The following GALNT13 variants were observed in gnomAD, a reference collection of about 807,000 sequenced individuals.
GALNT13 encodes the protein polypeptide N-acetylgalactosaminyltransferase 13, also known as UDP-GalNAc:polypeptide N-acetylgalactosaminyltransferase 13.
A neutral mutation model predicts 64.2 loss-of-function variants in GALNT13; 28 were observed. The ratio of observed to expected loss-of-function variants is 0.44; its 90% CI spans 0.32 to 0.60. The LOEUF is 0.60. Among genes scored for constraint, GALNT13 ranks in the 20% least tolerant of loss-of-function variants. The pLI, the probability that GALNT13 is intolerant of heterozygous loss-of-function variation, is 0.05. For synonymous variants in GALNT13, 214 were observed against 224.6 expected (o/e 0.95, Z 0.42); for missense variants, 577 against 669.8 (o/e 0.86, Z 1.53).
the GALNT13 span, among the ~76,000 whole-genome samples, chr2:153,536,862 A>T: frequency 6.6e-6 from 1 of 152,256 alleles, no homozygotes; most frequent in Non-Finnish European, 1.5e-5. Flanking sequence ...AATAAAATAC[A>T]TTAAATTATG....
At chr2:154,285,490 A>T (rs1432666599) in intron 8 of GALNT13, among the ~76,000 whole-genome samples, 2 of 152,042 alleles carry the variant, frequency 1.3e-5, no homozygotes, top group Admixed American at 1.3e-4. Context: ...TTCCCTCATT[A>T]TGTGTTCTTG....
chr2:153,450,728 G>C, the GALNT13 span, among the ~76,000 whole-genome samples: 1 of 152,072 alleles, frequency 6.6e-6, no homozygotes, highest in African/African-American at 2.4e-5. Context: ...TTGTAATATG[G>C]TAGCACACTT....
chr2:153,256,068 A>G, the GALNT13 span, among the ~76,000 whole-genome samples: 1 of 152,112 alleles, frequency 6.6e-6, no homozygotes, highest in Non-Finnish European at 1.5e-5. Context: ...GTGTTTTCCA[A>G]CTTGGTTCCA....
At chr2:153,609,842 A>G in the GALNT13 span, among the ~76,000 whole-genome samples, 1 of 152,152 alleles carries the variant, frequency 6.6e-6, no homozygotes, top group East Asian at 1.9e-4. Flanking sequence ...CTGGAGTCTT[A>G]CACCAACATA....
At chr2:154,137,302 AACACAC>A (rs112665813) in intron 3 of GALNT13, among the ~76,000 whole-genome samples, 6 of 148,986 alleles carry the variant, frequency 4.0e-5, no homozygotes, top group East Asian at 2.0e-4. Context: ...ACACAGGCAA[AACACAC>A]ACACACACAC....
At chr2:153,227,289 A>G in the GALNT13 span, among the ~76,000 whole-genome samples, 1 of 152,220 alleles carries the variant, frequency 6.6e-6, no homozygotes, top group Admixed American at 6.5e-5. Context: ...ATATGAGTGC[A>G]GCATTGGCAA....
intron 8 of GALNT13, 131 bp from the exon 9 acceptor site, chr2:154,301,277 GT>G: frequency 2.8e-6 from 2 of 720,334 alleles, no homozygotes; most frequent in Non-Finnish European, 4.7e-6. Flanking sequence ...AGTAAGTATA[GT>G]GTACCAGTTC....
At chr2:154,240,283 A>C (rs1689412754) in intron 4 of GALNT13, among the ~76,000 whole-genome samples, 1 of 152,202 alleles carries the variant, frequency 6.6e-6, no homozygotes, top group Non-Finnish European at 1.5e-5. Flanking sequence ...GCTTGAAAAG[A>C]AAAATCTGGA....
At chr2:153,275,576 T>C in the GALNT13 span, among the ~76,000 whole-genome samples, 1 of 152,178 alleles carries the variant, frequency 6.6e-6, no homozygotes, top group Admixed American at 6.5e-5. Context: ...TCTTTATAAA[T>C]TATCCAGTCT....
the GALNT13 span, among the ~76,000 whole-genome samples, chr2:153,628,162 A>C: frequency 6.6e-6 from 1 of 152,024 alleles, no homozygotes; most frequent in African/African-American, 2.4e-5. Context: ...TTATTGGTGT[A>C]TAAGAATGCT....
At chr2:153,949,144 C>G (rs1691986170) in intron 3 of GALNT13, among the ~76,000 whole-genome samples, 1 of 152,012 alleles carries the variant, frequency 6.6e-6, no homozygotes, top group South Asian at 2.1e-4. Context: ...ATAGGCTATA[C>G]CATACAGCCT....
At chr2:153,816,388 G>A in the GALNT13 span, among the ~76,000 whole-genome samples, 3 of 152,110 alleles carry the variant, frequency 2.0e-5, no homozygotes, top group East Asian at 1.9e-4. Flanking sequence ...GAAAGTCATG[G>A]TAAGCAATGA....
the GALNT13 span, among the ~76,000 whole-genome samples, chr2:153,251,236 C>A: frequency 6.6e-6 from 1 of 152,010 alleles, no homozygotes; most frequent in South Asian, 2.1e-4. Context: ...ATGGGAATCT[C>A]CTATAATTCT....
the GALNT13 span, among the ~76,000 whole-genome samples, chr2:153,483,021 G>A: frequency 3.9e-5 from 6 of 152,330 alleles, no homozygotes; most frequent in African/African-American, 1.4e-4. Flanking sequence ...AGTCTGGAAA[G>A]TGAGTGAAAC....
intron 9 of GALNT13, among the ~76,000 whole-genome samples, chr2:154,305,320 G>T (rs1162678761): frequency 2.6e-5 from 4 of 151,884 alleles, no homozygotes; most frequent in Non-Finnish European, 1.5e-5. Context: ...AGGAAGGAGG[G>T]GTGGGAGCTA....
the GALNT13 span, among the ~76,000 whole-genome samples, chr2:153,326,774 G>C: frequency 0.01 from 1,523 of 152,214 alleles, 21 homozygotes; most frequent in African/African-American, 0.035. Context: ...GAAAATCTGG[G>C]TTGAAAATTC....
chr2:154,385,056 G>A (rs1698444445), intron 9 of GALNT13, among the ~76,000 whole-genome samples: 1 of 151,944 alleles, frequency 6.6e-6, no homozygotes, highest in Non-Finnish European at 1.5e-5. Context: ...AACAGCAATG[G>A]TAAGATATCA....
chr2:154,127,614 C>T (rs1303992879), intron 3 of GALNT13, among the ~76,000 whole-genome samples: 2 of 150,602 alleles, frequency 1.3e-5, no homozygotes, highest in East Asian at 3.9e-4. Flanking sequence ...TTTAGACCTT[C>T]TAAAAATATA....
chr2:154,276,775 G>T (rs947270999), intron 8 of GALNT13, among the ~76,000 whole-genome samples: 10 of 152,162 alleles, frequency 6.6e-5, no homozygotes, highest in African/African-American at 2.4e-4. Flanking sequence ...AATCATGGGG[G>T]TGGTTAGTTG....
Sources: allele counts gnomAD v4.1 joint callset (sites outside exome capture counted in the v4.1 genomes callset), GRCh38; gene constraint gnomAD v4.1.1; transcripts MANE v1.5; gene names NCBI Gene and HGNC (gene_info 2026-07-23, HGNC 2026-07-21).